The following UNC79 variants were observed in gnomAD, a reference collection of about 807,000 sequenced individuals.
The protein encoded by UNC79 is unc-79 subunit of NALCN channel complex.
Under a neutral mutation model 283.1 loss-of-function variants are expected in UNC79, and 37 were observed. The ratio of observed to expected loss-of-function variants is 0.13; its 90% CI spans 0.10 to 0.17. The LOEUF (loss-of-function observed/expected upper bound fraction) is 0.17. UNC79 is among the 10% of genes least tolerant of loss of function. UNC79 has a pLI of 1.00. For missense variants in UNC79, 2,272 were observed against 3,211.1 expected (o/e 0.71, Z 7.07); for synonymous variants, 1,107 against 1,200.2 (o/e 0.92, Z 1.61).
intron 20 of UNC79, among the ~76,000 whole-genome samples, chr14:93,583,966 C>A (rs980805542): frequency 6.6e-6 from 1 of 152,022 alleles, no homozygotes; most frequent in Admixed American, 6.5e-5. Context: ...CCACCATGCC[C>A]GGCTAGTTTT....
chr14:93,540,196 G>T (rs2061309253), intron 12 of UNC79, among the ~76,000 whole-genome samples: 1 of 152,166 alleles, frequency 6.6e-6, no homozygotes, highest in Non-Finnish European at 1.5e-5. Flanking sequence ...ACGGAAAAAA[G>T]AATTTTCACT....
chr14:93,541,105 G>T (rs896732634), intron 13 of UNC79, among the ~76,000 whole-genome samples: 11 of 152,196 alleles, frequency 7.2e-5, no homozygotes, highest in African/African-American at 2.7e-4. Flanking sequence ...AGAGCCAGGT[G>T]TTAAACCTAC....
At chr14:93,658,720 T>G (rs2140408435) in intron 38 of UNC79, among the ~76,000 whole-genome samples, 1 of 152,316 alleles carries the variant, frequency 6.6e-6, no homozygotes. Flanking sequence ...TTATGTGGAT[T>G]CATGGTTTTT....
chr14:93,371,171 C>A (rs1384229938), intron 1 of UNC79, among the ~76,000 whole-genome samples: 2 of 152,008 alleles, frequency 1.3e-5, no homozygotes, highest in South Asian at 4.1e-4. Flanking sequence ...GGGCAGATCA[C>A]AAGGTCAGGA....
intron 1 of UNC79, among the ~76,000 whole-genome samples, chr14:93,383,279 G>A (rs940329986): frequency 1.3e-5 from 2 of 152,204 alleles, no homozygotes; most frequent in African/African-American, 4.8e-5. Flanking sequence ...AGAAGAAGAT[G>A]GGGAGAAGTG....
chr14:93,595,686 T>C (rs1423863183), intron 23 of UNC79, among the ~76,000 whole-genome samples: 1 of 152,170 alleles, frequency 6.6e-6, no homozygotes, highest in East Asian at 1.9e-4. Flanking sequence ...GAGGTCCACC[T>C]TCTAGGTCCC....
At chr14:93,471,543 A>T (rs2057508144) in intron 2 of UNC79, among the ~76,000 whole-genome samples, 1 of 151,278 alleles carries the variant, frequency 6.6e-6, no homozygotes, top group East Asian at 1.9e-4. Flanking sequence ...TGGTTTTATC[A>T]GCTCCCAAGT....
intron 5 of UNC79, among the ~76,000 whole-genome samples, chr14:93,492,357 T>G (rs1175768989): frequency 1.3e-5 from 2 of 151,396 alleles, no homozygotes; most frequent in African/African-American, 4.9e-5. Context: ...ATGGAGAGAG[T>G]TTTGTTTTGT....
intron 1 of UNC79, among the ~76,000 whole-genome samples, chr14:93,440,092 A>C: frequency 6.6e-6 from 1 of 152,162 alleles, no homozygotes; most frequent in Non-Finnish European, 1.5e-5. Flanking sequence ...TATGACAACT[A>C]TTCCTATAGG....
intron 1 of UNC79, among the ~76,000 whole-genome samples, chr14:93,417,421 G>T (rs2140062185): frequency 6.6e-6 from 1 of 152,226 alleles, no homozygotes; most frequent in Non-Finnish European, 1.5e-5. Flanking sequence ...CCCTTTGTGG[G>T]TAACCCGACC....
At position 93,536,674 on chromosome 14, in the gene UNC79, G is replaced by C. The variant is rs191289003; in HGVS notation, c.1123-1315G>C. On this transcript the variant is annotated intron_variant, in intron 11 of 48. Transcript: ENST00000555664. ...TTCTACACCTTATGCTCTCTATGAG[G>C]CTCCTGGGAATGATGACTTACGATT... Among the ~76,000 whole-genome samples the C allele has an allele frequency of 2.9e-3, 442 of 151,968 alleles. 3 individuals are homozygous for C. Among genetic ancestry groups the C allele is most frequent in the Non-Finnish European group, 5.3e-3 (359 of 67,990 alleles).
At chr14:93,334,651 T>A (rs1193143987) in intron 1 of UNC79, 1 of 152,210 alleles carries the variant, frequency 6.6e-6, no homozygotes, top group African/African-American at 2.4e-5. Flanking sequence ...CTAAATACAG[T>A]TAACACTTGA....
chr14:93,403,290 G>A (rs1249675299), intron 1 of UNC79, among the ~76,000 whole-genome samples: 1 of 152,204 alleles, frequency 6.6e-6, no homozygotes, highest in Non-Finnish European at 1.5e-5. Flanking sequence ...CTGCAGCTGT[G>A]AAGATAAGCT....
intron 7 of UNC79, among the ~76,000 whole-genome samples, chr14:93,500,815 T>C (rs2059246052): frequency 6.6e-6 from 1 of 152,182 alleles, no homozygotes; most frequent in South Asian, 2.1e-4. Context: ...AGTTCTTTAA[T>C]TAAACATTAG....
At chr14:93,589,634 C>T (rs1022760483) in intron 22 of UNC79, among the ~76,000 whole-genome samples, 5 of 151,962 alleles carry the variant, frequency 3.3e-5, no homozygotes, top group African/African-American at 1.2e-4. Context: ...TGGGAGAGGA[C>T]CCTGTGCATC....
chr14:93,339,548 C>T (rs2053657756), intron 1 of UNC79, among the ~76,000 whole-genome samples: 1 of 152,236 alleles, frequency 6.6e-6, no homozygotes, highest in South Asian at 2.1e-4. Flanking sequence ...ATCGACCCGC[C>T]TCATCCTCCC....
chr14:93,502,031 A>G (rs747056347), intron 7 of UNC79, among the ~76,000 whole-genome samples: 6 of 152,244 alleles, frequency 3.9e-5, no homozygotes, highest in Non-Finnish European at 5.9e-5. Flanking sequence ...AGATCAAATA[A>G]TAAGAATTTG....
At chr14:93,333,627 T>C (rs2053505202) in intron 1 of UNC79, 3 of 390,200 alleles carry the variant, frequency 7.7e-6, no homozygotes, top group East Asian at 3.6e-5. Flanking sequence ...CTTAACAAGA[T>C]ACCCCTGTAA....
chr14:93,475,026 A>G (rs771164266), intron 3 of UNC79, among the ~76,000 whole-genome samples: 2 of 152,222 alleles, frequency 1.3e-5, no homozygotes, highest in African/African-American at 4.8e-5. Flanking sequence ...TATACAATAT[A>G]TGATATTAGT....
Sources: gnomAD v4.1 joint callset for allele counts (sites outside exome capture counted in the v4.1 genomes callset) on GRCh38, gnomAD v4.1.1 for gene constraint, MANE v1.5 for transcripts, NCBI Gene and HGNC (gene_info 2026-07-23, HGNC 2026-07-21) for gene names.